Variants in ANKRD13D observed in about 807,000 individuals in gnomAD.
ANKRD13D encodes ankyrin repeat domain-containing protein 13D.
A neutral mutation model predicts 68.8 loss-of-function variants in ANKRD13D; 24 were observed. The observed-to-expected ratio is 0.35, with a 90% CI of 0.25 to 0.49. The LOEUF is 0.49. ANKRD13D is among the 20% of genes least tolerant of loss of function. The pLI is 0.99. For synonymous variants in ANKRD13D, 331 were observed against 336.1 expected, an observed-to-expected ratio of 0.98 and a Z score of 0.16; for missense variants, 735 against 832.1, an observed-to-expected ratio of 0.88 and a Z score of 1.44.
intron 3 of ANKRD13D, chr11:67,290,697 A>G: frequency 2.1e-6 from 1 of 470,430 alleles, no homozygotes; most frequent in East Asian, 3.7e-5. Flanking sequence ...AATGCAGATT[A>G]CCTGGAGCAG....
rs1226230749 is a variant in ANKRD13D at position 67,291,685 on chromosome 11, C to T, written c.480C>T (p.Leu160=). 3.1e-6 allele frequency: 5 copies of T among 1,614,002 alleles called. No individual in the cohort carries two copies. The highest frequency in any genetic ancestry group is 2.2e-5 in the East Asian group (1 of 44,898). Residue 160 remains leucine, a synonymous_variant, in exon 5 of 15, where the codon CTC becomes CTT. Coordinates refer to ENST00000511455, the MANE Select transcript of ANKRD13D (RefSeq NM_207354.3). ...RGESLRVDTS[L]LGFEHMTWQR... ...AGAGCCTGCGAGTAGACACCAGTCT[C>T]CTGGGCTTCGAGCACATGACCTGGC...
intron 6 of ANKRD13D, among the ~76,000 whole-genome samples, chr11:67,297,140 T>A (rs1461686075): frequency 1.3e-5 from 2 of 152,188 alleles, no homozygotes; most frequent in Non-Finnish European, 2.9e-5. Context: ...GAAGGTTAGG[T>A]TAAGGTTATT....
chr11:67,301,871 C>T lies in ANKRD13D; in HGVS notation c.1604+48C>T. The T allele has an allele frequency of 6.5e-7, 1 of 1,529,262 alleles. No homozygotes were observed. Among genetic ancestry groups the T allele is most frequent in the Non-Finnish European group, 8.8e-7 (1 of 1,134,240 alleles). 94.7% of individuals were successfully genotyped at this position (1,529,262 alleles called of 1,614,324 possible). A position where few individuals can be genotyped will look rare whatever the true frequency, so the allele number is the denominator to read the frequency against. On this transcript the variant is annotated intron_variant, in intron 14 of 14. Transcript: ENST00000511455. This position sits in a 1 kb window ranked among gnomAD's most constrained non-coding sequence, Gnocchi z 4.5. ...TGGGTCCCTGTCCCCCCAGCCCTGG[C>T]TTGGCGGGGAGGGGGATAGCAGGAA... is the stretch of plus-strand genomic sequence containing the variant.
At chr11:67,289,665 G>A (rs1310354380) in intron 1 of ANKRD13D, 115 bp downstream of exon 1, 1 of 1,247,110 alleles carries the variant, frequency 8.0e-7, no homozygotes, top group Non-Finnish European at 1.1e-6. Flanking sequence ...GCCACATCCT[G>A]GGCCTTCCTC....
rs1227992394 is a variant in ANKRD13D at position 67,299,756 on chromosome 11, C to G, written c.881-71C>G. On this transcript the variant is annotated intron_variant, in intron 8 of 14. Transcript: ENST00000511455. The surrounding 1 kb of genome is among the most constrained non-coding windows in gnomAD (Gnocchi z 6.2). ...CCCCTCTTCCCCCAGACAGTAGGCTCCAGGGGTGGAGGTGGGCAGGGGCGA... is the reference window on the plus strand; with the variant it reads ...CCCCTCTTCCCCCAGACAGTAGGCTGCAGGGGTGGAGGTGGGCAGGGGCGA... 1 of 1,535,692 alleles carries G rather than the reference C, an allele frequency of 6.5e-7. No individual in the cohort carries two copies. The highest frequency in any genetic ancestry group is 8.8e-7 in the Non-Finnish European group (1 of 1,138,520).
intron 14 of ANKRD13D, 51 bp from the exon 15 acceptor site, chr11:67,302,068 C>T (rs1396421959): frequency 3.2e-5 from 48 of 1,484,186 alleles, no homozygotes; most frequent in Non-Finnish European, 4.2e-5. Context: ...GCTTCTGCCC[C>T]AGCCTTGGCG....
chr11:67,292,169 G>A lies in ANKRD13D; in HGVS notation c.720G>A (p.Val240=), dbSNP rs1210284624. ...CCACCCACCTGGACACTCGTAATGT[G>A]GCCTTTGAGAGGTCGGTCGGGTCCT... ...IVSTHLDTRN[V]AFERNKCGIW... Residue 240 remains valine, a synonymous_variant, in exon 6 of 15, where the codon GTG becomes GTA. Transcript: ENST00000511455. The A allele has an allele frequency of 6.3e-7, 1 of 1,587,942 alleles. No individual in the cohort carries two copies. The highest frequency in any genetic ancestry group is 1.7e-5 in the Admixed American group (1 of 58,060).
Position 67,299,020 on chromosome 11 carries a change from G to A in ANKRD13D, c.732-38G>A. 1 of 1,609,254 alleles carries A rather than the reference G, an allele frequency of 6.2e-7. No individual in the cohort carries two copies. The highest frequency in any genetic ancestry group is 8.5e-7 in the Non-Finnish European group (1 of 1,175,604). On this transcript the variant is annotated intron_variant, in intron 6 of 14. Coordinates refer to ENST00000511455, the MANE Select transcript of ANKRD13D (RefSeq NM_207354.3). This position sits in a 1 kb window ranked among gnomAD's most constrained non-coding sequence, Gnocchi z 6.2. The stretch of plus-strand genomic sequence containing the variant: ...AGGAAGGCTTTGGCCAGCGTGTGAG[G>A]GTGCAGGTCTCACCAGCTCCTGTTT...
intron 5 of ANKRD13D, 53 bp from the exon 6 acceptor site, chr11:67,291,938 C>G (rs939258655): frequency 6.5e-7 from 1 of 1,535,202 alleles, no homozygotes; most frequent in African/African-American, 1.4e-5. Flanking sequence ...CTCTGCACTG[C>G]TGGCGCCCAG....
At position 67,289,420 on chromosome 11, in the gene ANKRD13D, C is replaced by T. The variant is rs1419226306; in HGVS notation, c.-41C>T. On this transcript the variant is annotated 5_prime_UTR_variant, in exon 1 of 15. Coordinates refer to ENST00000511455, the MANE Select transcript of ANKRD13D (RefSeq NM_207354.3). ...GGAGGCTAGGGGGCCGTGCCAGGCC[C>T]GAAGCCGAGGCGGGGCCGGGATGCG... is the stretch of plus-strand genomic sequence containing the variant. 2.1e-5 allele frequency: 30 copies of T among 1,397,632 alleles called. No individual in the cohort carries two copies. The highest frequency in any genetic ancestry group is 2.2e-5 in the Non-Finnish European group (24 of 1,080,358). 86.6% of individuals were successfully genotyped at this position (1,397,632 alleles called of 1,614,324 possible).
chr11:67,299,177 T>G lies in ANKRD13D; in HGVS notation c.798+53T>G. On this transcript the variant is annotated intron_variant, in intron 7 of 14. Transcript: ENST00000511455. This position sits in a 1 kb window ranked among gnomAD's most constrained non-coding sequence, Gnocchi z 6.2. ...GGGGTAGGAGATGAGGTCCAGGAAC[T>G]CAGCTCCTCTCCACATCCATCCCAG... 1 of 1,586,210 alleles carries G rather than the reference T, an allele frequency of 6.3e-7. No homozygotes were observed. Among genetic ancestry groups the G allele is most frequent in the Non-Finnish European group, 8.6e-7 (1 of 1,157,790 alleles).
At position 67,290,489 on chromosome 11, in the gene ANKRD13D, G is replaced by A. The variant is rs936447674; in HGVS notation, c.351+43G>A. Reference sequence around the variant, plus strand: ...TATGGAGGTGGGGTACCATGGCAGGGCACCACCCTGGTTACTGTGCCAGGC... The same window carrying A: ...TATGGAGGTGGGGTACCATGGCAGGACACCACCCTGGTTACTGTGCCAGGC... On this transcript the variant is annotated intron_variant, in intron 3 of 14. Coordinates refer to ENST00000511455, the MANE Select transcript of ANKRD13D (RefSeq NM_207354.3). 3 of 1,527,402 alleles carry A rather than the reference G, an allele frequency of 2.0e-6. No individual in the cohort carries two copies. The African/African-American group carries it at 4.1e-5, about 21-fold the overall frequency. The allele number at this position is 1,527,402 out of a possible 1,614,324, so 94.6% of individuals were successfully genotyped here.
chr11:67,299,583 C>T lies in ANKRD13D; in HGVS notation c.852C>T (p.Leu284=). The T allele has an allele frequency of 1.3e-6, 2 of 1,551,224 alleles. No homozygotes were observed. Among genetic ancestry groups the T allele is most frequent in the Non-Finnish European group, 1.7e-6 (2 of 1,146,962 alleles). ...TGACACGCACACGCACGGAGCACCT[C>T]TCTGATCAGGACAAGTCGAGGAGCA... ...ELVTRTRTEH[L]SDQDKSRSKA... The change falls in exon 8 of 15, where the codon CTC becomes CTT. Residue 284 remains leucine, a synonymous_variant. Coordinates refer to ENST00000511455, the MANE Select transcript of ANKRD13D (RefSeq NM_207354.3). This position sits in a 1 kb window ranked among gnomAD's most constrained non-coding sequence, Gnocchi z 6.2.
At chr11:67,293,426 A>C (rs1860654542) in intron 6 of ANKRD13D, among the ~76,000 whole-genome samples, 1 of 152,174 alleles carries the variant, frequency 6.6e-6, no homozygotes, top group African/African-American at 2.4e-5. Context: ...GCATCTTTTC[A>C]TGTGCTTATT....
intron 1 of ANKRD13D, 109 bp from the exon 2 acceptor site, chr11:67,289,969 A>G (rs1271309057): frequency 4.1e-6 from 6 of 1,459,080 alleles, no homozygotes; most frequent in Admixed American, 2.5e-5. Context: ...CTCCCTGGTC[A>G]GTCCGCCGTC....
At position 67,301,642 on chromosome 11, in the gene ANKRD13D, G is replaced by A. The variant is rs1861000915; in HGVS notation, c.1503G>A (p.Glu501=). 6.2e-7 allele frequency: 1 copy of A among 1,612,218 alleles called. No homozygotes were observed. The highest frequency in any genetic ancestry group is 8.5e-7 in the Non-Finnish European group (1 of 1,179,850). The part of the protein sequence containing the change: ...IQQSLLEAGT[E]AEQVTVWEAL... ...AGAGCCTGCTTGAAGCGGGCACTGA[G>A]GCGGAGCAGGTGGGACTTGCCCAGG... is the stretch of plus-strand genomic sequence containing the variant. Residue 501 remains glutamate, a synonymous_variant, in exon 13 of 15, where the codon GAG becomes GAA. Transcript: ENST00000511455. This position sits in a 1 kb window ranked among gnomAD's most constrained non-coding sequence, Gnocchi z 4.5.
chr11:67,296,571 C>T (rs571586801), intron 6 of ANKRD13D, among the ~76,000 whole-genome samples: 1 of 151,980 alleles, frequency 6.6e-6, no homozygotes, highest in Non-Finnish European at 1.5e-5. Flanking sequence ...CTGTTGCTCC[C>T]CTCTTTCATT....
intron 1 of ANKRD13D, chr11:67,289,816 T>G (rs1860457799): frequency 2.1e-6 from 3 of 1,425,120 alleles, no homozygotes; most frequent in Non-Finnish European, 2.7e-6. Flanking sequence ...AGAACTCTGG[T>G]CCTGGTCCCC....
Position 67,289,340 on chromosome 11 carries a change from C to A in ANKRD13D, c.-121C>A. The A allele has an allele frequency of 1.7e-6, 1 of 601,692 alleles. No individual in the cohort carries two copies. Among genetic ancestry groups the A allele is most frequent in the Non-Finnish European group, 2.1e-6 (1 of 472,938 alleles). The allele number at this position is 601,692 out of a possible 1,614,324, so 37.3% of individuals were successfully genotyped here. ...GCCCGCGCTGCCGCCGCCGCCGCCGCCGCCGCTACTGCTGCGGGGGCCGCG... is the reference window on the plus strand; with the variant it reads ...GCCCGCGCTGCCGCCGCCGCCGCCGACGCCGCTACTGCTGCGGGGGCCGCG... On this transcript the variant is annotated 5_prime_UTR_variant, in exon 1 of 15. Coordinates refer to ENST00000511455, the MANE Select transcript of ANKRD13D (RefSeq NM_207354.3).
Sources: gnomAD v4.1 joint callset for allele counts (sites outside exome capture counted in the v4.1 genomes callset) on GRCh38, gnomAD v4.1.1 for gene constraint, Gnocchi (gnomAD v3.1) non-coding constraint, MANE v1.5 for transcripts, NCBI Gene and HGNC (gene_info 2026-07-23, HGNC 2026-07-21) for gene names.